Variants in AS3MT observed in about 807,000 individuals in gnomAD.
The protein encoded by AS3MT is S-adenosyl-L-methionine:arsenic(III) methyltransferase.
AS3MT carries 47 observed loss-of-function variants against 45.3 expected under a neutral mutation model. The ratio of observed to expected loss-of-function variants is 1.04; its 90% CI spans 0.82 to 1.32. The LOEUF (loss-of-function observed/expected upper bound fraction) is 1.32. Among genes scored for constraint, AS3MT ranks in the 40% most tolerant of loss-of-function variants. The probability of loss-of-function intolerance (pLI) is 0.00; values close to 1 mark genes in which losing one functional copy is unlikely to be tolerated. For missense variants in AS3MT, 396 were observed against 451.1 expected (o/e 0.88, Z 1.11); for synonymous variants, 141 against 152.8 (o/e 0.92, Z 0.57).
intron 9 of AS3MT, among the ~76,000 whole-genome samples, chr10:102,883,980 C>CA: frequency 7.7e-6 from 1 of 129,418 alleles, no homozygotes; most frequent in Admixed American, 8.2e-5. Context: ...TTCTTTATTT[C>CA]TTTTTTTTTT....
chr10:102,876,092 T>TAGA (rs1844780743), intron 6 of AS3MT, among the ~76,000 whole-genome samples: 1 of 152,136 alleles, frequency 6.6e-6, no homozygotes, highest in Non-Finnish European at 1.5e-5. Flanking sequence ...TTATAAAAGG[T>TAGA]AGAAACACTA....
intron 3 of AS3MT, among the ~76,000 whole-genome samples, chr10:102,871,426 A>T (rs1844681141): frequency 6.6e-6 from 1 of 151,676 alleles, no homozygotes; most frequent in South Asian, 2.1e-4. Flanking sequence ...ACGCGCCTGT[A>T]GTTCCGGCTG....
Position 102,876,806 on chromosome 10 carries a change from G to GT in AS3MT, c.529-148_529-147insT, listed in dbSNP as rs1388485884. 8.2e-6 allele frequency: 6 copies of GT among 733,092 alleles called. No homozygotes were observed. The East Asian group carries it at 1.3e-4, about 16-fold the overall frequency. 45.4% of individuals were successfully genotyped at this position (733,092 alleles called of 1,614,324 possible). On this transcript the variant is annotated intron_variant, in intron 6 of 10. Transcript: ENST00000369880. The stretch of plus-strand genomic sequence containing the variant: ...CACTTGACTATTGATTGTAACTAAA[G>GT]AGGCAGCTGCTATTTGTTCACAAAG...
Position 102,878,407 on chromosome 10 carries a change from G to A in AS3MT, c.639G>A (p.Trp213Ter). 6.2e-7 allele frequency: 1 copy of A among 1,614,034 alleles called. No individual in the cohort carries two copies. The highest frequency in any genetic ancestry group is 8.5e-7 in the Non-Finnish European group (1 of 1,180,000). Residue 213 changes from tryptophan (W) to a stop codon, truncating the protein, a stop_gained, in exon 8 of 11, where the codon TGG becomes TGA. Coordinates refer to ENST00000369880, the MANE Select transcript of AS3MT (RefSeq NM_020682.4). LOFTEE classifies it high-confidence loss of function. ...AGTGTCTGGGTGGTGCTTTATACTGGAAGGAACTTGCTGTCCTTGCTCAAA... is the reference window on the plus strand; with the variant it reads ...AGTGTCTGGGTGGTGCTTTATACTGAAAGGAACTTGCTGTCCTTGCTCAAA... The part of the protein sequence containing the change: ...WGECLGGALY[W>*]KELAVLAQKI...
At chr10:102,873,890 G>A (rs920397734) in intron 5 of AS3MT, among the ~76,000 whole-genome samples, 1 of 152,054 alleles carries the variant, frequency 6.6e-6, no homozygotes, top group African/African-American at 2.4e-5. Flanking sequence ...CCCTCAAGTT[G>A]TTATTGTCAA....
chr10:102,879,026 T>C lies in AS3MT; in HGVS notation c.885+35T>C, dbSNP rs956599944. ...ACAATTTCCATGACTTCTGGTATTC[T>C]TTCTGCTCTTGCCCTTGCTCCAGCT... On this transcript the variant is annotated intron_variant, in intron 9 of 10. Coordinates refer to ENST00000369880, the MANE Select transcript of AS3MT (RefSeq NM_020682.4). 6 of 1,594,818 alleles carry C rather than the reference T, an allele frequency of 3.8e-6. No homozygotes were observed. The South Asian group carries it at 4.5e-5, about 12-fold the overall frequency.
chr10:102,886,365 C>T (rs1268237861), intron 9 of AS3MT, among the ~76,000 whole-genome samples: 1 of 141,226 alleles, frequency 7.1e-6, no homozygotes, highest in African/African-American at 2.6e-5. Context: ...CGCTCTGTTG[C>T]CCAGGTTGGA....
intron 9 of AS3MT, among the ~76,000 whole-genome samples, chr10:102,888,881 A>ATATATATT (rs1491503446): frequency 1.9e-5 from 1 of 52,522 alleles, no homozygotes; most frequent in African/African-American, 7.0e-5. Flanking sequence ...ATATATATAT[A>ATATATATT]TTTTTTTTTT....
In AS3MT at chr10:102,869,828, A is replaced by T. The variant is rs1216089695; in HGVS notation, c.25A>T (p.Ile9Leu). The T allele has an allele frequency of 1.2e-6, 2 of 1,614,058 alleles. No individual in the cohort carries two copies. Among genetic ancestry groups the T allele is most frequent in the Non-Finnish European group, 8.5e-7 (1 of 1,180,030 alleles). The change falls in exon 2 of 11, where the codon ATA becomes TTA. Residue 9 changes from isoleucine (I) to leucine (L), a missense_variant. Ile to Leu is a conservative substitution (Grantham distance 5). Coordinates refer to ENST00000369880, the MANE Select transcript of AS3MT (RefSeq NM_020682.4). ...AGTGGCTGCACTTCGTGACGCTGAG[A>T]TACAGAAGGACGTGCAGGTGAGAGC... is the stretch of plus-strand genomic sequence containing the variant. MAALRDAE[I>L]QKDVQTYYGQ...
intron 9 of AS3MT, among the ~76,000 whole-genome samples, chr10:102,887,365 T>C (rs1424389727): frequency 6.6e-6 from 1 of 152,176 alleles, no homozygotes; most frequent in African/African-American, 2.4e-5. Context: ...TAGTTTAATG[T>C]TTCTTTATTA....
chr10:102,877,573 A>G (rs939878114), intron 7 of AS3MT, among the ~76,000 whole-genome samples: 3 of 150,502 alleles, frequency 2.0e-5, no homozygotes, highest in African/African-American at 7.3e-5. Context: ...AAAAAAAAAA[A>G]AAAAGAAAAA....
intron 2 of AS3MT, 52 bp downstream of exon 2, chr10:102,869,897 G>T (rs1307389224): frequency 1.9e-6 from 3 of 1,608,924 alleles, no homozygotes; most frequent in East Asian, 4.5e-5. Context: ...GCTAATGGAA[G>T]TCTGGCCTGG....
rs758462910 is a variant in AS3MT, at chr10:102,890,581, C to T, written c.923C>T (p.Ala308Val). 1 of 1,607,114 alleles carries T rather than the reference C, an allele frequency of 6.2e-7. No individual in the cohort carries two copies. The highest frequency in any genetic ancestry group is 1.1e-5 in the South Asian group (1 of 89,434). ...EIVEVDEETA[A>V]ILKNSRFAQD... ...GTTGAAGTGGATGAAGAAACAGCAG[C>T]TATCTTGAAGAATTCAAGATTTGCT... Residue 308 changes from alanine to valine, a missense_variant, in exon 10 of 11, where the codon GCT becomes GTT. By Grantham distance (64) the Ala-to-Val change is moderately conservative (BLOSUM62 0). Transcript: ENST00000369880.
intron 10 of AS3MT, among the ~76,000 whole-genome samples, chr10:102,894,085 G>A (rs1845121623): frequency 6.6e-6 from 1 of 152,162 alleles, no homozygotes; most frequent in South Asian, 2.1e-4. Context: ...GACCATTGAT[G>A]TTGCCTCTGA....
At chr10:102,873,564 G>T (rs554337038) in intron 5 of AS3MT, among the ~76,000 whole-genome samples, 1 of 152,156 alleles carries the variant, frequency 6.6e-6, no homozygotes, top group Non-Finnish European at 1.5e-5. Context: ...GGGATTACAG[G>T]TGTGAGGCAC....
intron 10 of AS3MT, among the ~76,000 whole-genome samples, chr10:102,895,996 A>C (rs1310928770): frequency 6.6e-6 from 1 of 151,708 alleles, no homozygotes; most frequent in Non-Finnish European, 1.5e-5. Context: ...AGCTGGTCTC[A>C]AACTCCTGAC....
chr10:102,877,746 T>TTC, intron 7 of AS3MT, among the ~76,000 whole-genome samples: 1 of 123,548 alleles, frequency 8.1e-6, no homozygotes, highest in Non-Finnish European at 1.7e-5. Flanking sequence ...CAGTGATAAC[T>TTC]TCTTTTTTTT....
chr10:102,896,605 AG>A (rs1451671201), intron 10 of AS3MT, among the ~76,000 whole-genome samples: 1 of 152,036 alleles, frequency 6.6e-6, no homozygotes, highest in African/African-American at 2.4e-5. Flanking sequence ...CAGGAGTTCA[AG>A]ACCAGCCTGG....
intron 3 of AS3MT, among the ~76,000 whole-genome samples, chr10:102,871,712 A>T (rs908663294): frequency 3.4e-5 from 5 of 145,568 alleles, no homozygotes; most frequent in Non-Finnish European, 7.5e-5. Flanking sequence ...TGGGCGACAG[A>T]GCGAGACTCC....
Sources: gnomAD v4.1 joint callset for allele counts (sites outside exome capture counted in the v4.1 genomes callset) on GRCh38, gnomAD v4.1.1 for gene constraint, MANE v1.5 for transcripts, NCBI Gene and HGNC (gene_info 2026-07-23, HGNC 2026-07-21) for gene names.